Variants in MED13 observed in about 807,000 individuals in gnomAD.
MED13 encodes mediator of RNA polymerase II transcription subunit 13.
MED13 carries 23 observed loss-of-function variants against 225.2 expected under a neutral mutation model. The observed-to-expected ratio is 0.10, with a 90% confidence interval of 0.07 to 0.14. The LOEUF is 0.14. Ranked by LOEUF, MED13 falls within the 10% of genes least tolerant of loss-of-function variation. The probability of loss-of-function intolerance (pLI) is 1.00; values close to 1 mark genes in which losing one functional copy is unlikely to be tolerated. For synonymous variants in MED13, 942 were observed against 889.2 expected, an observed-to-expected ratio of 1.06 and a Z score of -1.06; for missense variants, 2,197 against 2,594.5, an observed-to-expected ratio of 0.85 and a Z score of 3.33.
intron 3 of MED13, among the ~76,000 whole-genome samples, chr17:62,050,083 G>T (rs2080942445): frequency 6.6e-6 from 1 of 152,126 alleles, no homozygotes; most frequent in Non-Finnish European, 1.5e-5. Flanking sequence ...AGGAAGCCAG[G>T]TGCAGCGGCT....
At chr17:61,950,529 G>A (rs1482956821) in intron 28 of MED13, among the ~76,000 whole-genome samples, 2 of 151,824 alleles carry the variant, frequency 1.3e-5, no homozygotes, top group Non-Finnish European at 2.9e-5. Flanking sequence ...GACTACAGGC[G>A]CCCGCCACCA....
At chr17:62,049,201 A>C (rs1000880104) in intron 3 of MED13, among the ~76,000 whole-genome samples, 2 of 152,162 alleles carry the variant, frequency 1.3e-5, no homozygotes, top group African/African-American at 4.8e-5. Context: ...AAATCGGAAA[A>C]GAAGAATGAA....
chr17:61,967,497 G>A (rs2080069209), intron 18 of MED13, among the ~76,000 whole-genome samples: 1 of 152,120 alleles, frequency 6.6e-6, no homozygotes, highest in African/African-American at 2.4e-5. Context: ...TGTGGAAAAA[G>A]GAGGGAATAA....
intron 9 of MED13, among the ~76,000 whole-genome samples, chr17:62,008,648 C>T (rs1056023049): frequency 2.6e-5 from 4 of 151,856 alleles, no homozygotes; most frequent in African/African-American, 9.7e-5. Flanking sequence ...TTCAGAAATA[C>T]AAAGGATGCC....
chr17:61,965,055 C>T lies in MED13; in HGVS notation c.4795G>A (p.Gly1599Arg). Residue 1599 changes from glycine to arginine, a missense_variant, in exon 20 of 30, where the codon GGA becomes AGA. Physicochemically the swap from Gly to Arg is moderately radical, Grantham distance 125. Transcript: ENST00000397786. ...TSALQTAGISGESSSLPTQPH... is the reference protein window; with the variant it reads ...TSALQTAGISRESSSLPTQPH... ...TGAGTGGGAAGTGAAGATGATTCTC[C>T]AGAAATCCCAGCTGTCTGTAGAGCT... The T allele has an allele frequency of 6.2e-7, 1 of 1,614,112 alleles. No homozygotes were observed. The highest frequency in any genetic ancestry group is 1.1e-5 in the South Asian group (1 of 91,084).
At chr17:61,954,504 T>C (rs767506399) in intron 26 of MED13, among the ~76,000 whole-genome samples, 1 of 152,154 alleles carries the variant, frequency 6.6e-6, no homozygotes, top group Admixed American at 6.5e-5. Flanking sequence ...TGGCTGGGCA[T>C]GGTGGCTCAT....
intron 1 of MED13, among the ~76,000 whole-genome samples, chr17:62,064,481 C>G (rs1246038656): frequency 6.6e-6 from 1 of 152,144 alleles, no homozygotes; most frequent in Non-Finnish European, 1.5e-5. Flanking sequence ...GTCCACTAGC[C>G]CCCTTCACTC....
At position 62,023,017 on chromosome 17, in the gene MED13, A is replaced by T. The variant is rs80178881; in HGVS notation, c.1283+6524T>A. ...ACAGCTAGTCTCTAAAAAAATAATA[A>T]TATTTATGTGTTGAGAGGAGAATAC... On this transcript the variant is annotated intron_variant, in intron 8 of 29. Coordinates refer to ENST00000397786, the MANE Select transcript of MED13 (RefSeq NM_005121.3). Among the ~76,000 whole-genome samples, 22 of 152,262 alleles carry T rather than the reference A, an allele frequency of 1.4e-4. No homozygotes were observed. The East Asian group carries it at 1.9e-3, about 13-fold the overall frequency.
rs886633168 is a variant in MED13 at position 62,059,438 on chromosome 17, G to C, written c.301+3629C>G. The stretch of plus-strand genomic sequence containing the variant: ...AAAAAACACTTCAGTAACAAGATGT[G>C]GTGTGTGCTGAACCAAACAGAAGGA... On this transcript the variant is annotated intron_variant, in intron 2 of 29. Coordinates refer to ENST00000397786, the MANE Select transcript of MED13 (RefSeq NM_005121.3). Among the ~76,000 whole-genome samples the C allele has an allele frequency of 2.6e-5, 4 of 152,290 alleles. No homozygotes were observed. In the South Asian group the frequency reaches 6.2e-4, roughly 24 times the overall value.
chr17:62,029,499 AACTATC>A (rs1478996300), intron 8 of MED13, 36 bp downstream of exon 8: 1 of 1,457,524 alleles, frequency 6.9e-7, no homozygotes, highest in Non-Finnish European at 9.6e-7. Flanking sequence ...TGGCGTAACA[AACTATC>A]ACACATAGGC....
intron 1 of MED13, among the ~76,000 whole-genome samples, chr17:62,063,582 A>G (rs891034407): frequency 1.3e-5 from 2 of 152,208 alleles, no homozygotes; most frequent in African/African-American, 4.8e-5. Context: ...ATATAGACAC[A>G]CACTTCAATA....
At chr17:61,995,481 C>A in intron 9 of MED13, 116 bp from the exon 10 acceptor site, 1 of 641,488 alleles carries the variant, frequency 1.6e-6, no homozygotes, top group Non-Finnish European at 2.5e-6. Context: ...ACCTACAATC[C>A]CTTATTTCAG....
At chr17:62,063,407 T>A in intron 1 of MED13, 106 bp from the exon 2 acceptor site, 1 of 728,506 alleles carries the variant, frequency 1.4e-6, no homozygotes, top group Non-Finnish European at 2.3e-6. Flanking sequence ...TTTTTCAATG[T>A]ATGCTTGAGA....
At chr17:62,037,666 C>CA (rs964038869) in intron 3 of MED13, among the ~76,000 whole-genome samples, 1,617 of 63,290 alleles carry the variant, frequency 0.026, 29 homozygotes, top group African/African-American at 0.066. Context: ...GACTCCATCT[C>CA]AAAAAAAAAA....
intron 1 of MED13, 143 bp downstream of exon 1, chr17:62,064,997 C>T (rs904146923): frequency 3.3e-6 from 2 of 612,924 alleles, no homozygotes; most frequent in Admixed American, 4.4e-5. Flanking sequence ...CGGGGCTGGC[C>T]GCGGAGCTTC....
rs1372120802 is a variant in MED13, at chr17:61,955,494, T to C, written c.5856A>G (p.Pro1952=). ...GTATATGAGTACATGATGTATCCTG[T>C]GGGGTATTTAGCTGAGATGTCTGCA... ...LNMQTSQLNT[P]QDTSCTHILV... The change falls in exon 26 of 30, where the codon CCA becomes CCG. Residue 1952 remains proline (P), a synonymous_variant. Coordinates refer to ENST00000397786, the MANE Select transcript of MED13 (RefSeq NM_005121.3). 3.7e-6 allele frequency: 6 copies of C among 1,602,716 alleles called. No individual in the cohort carries two copies. The highest frequency in any genetic ancestry group is 1.7e-4 in the Middle Eastern group (1 of 6,020).
At position 61,942,709 on chromosome 17, in the gene MED13, T is replaced by A. The variant is rs1429525684; in HGVS notation, c.*3759A>T. 6.6e-6 allele frequency: 1 copy of A among 152,406 alleles called. No homozygotes were observed. Among genetic ancestry groups the A allele is most frequent in the Non-Finnish European group, 1.5e-5 (1 of 67,944 alleles). The allele number at this position is 152,406 out of a possible 1,614,324, so 9.4% of individuals were successfully genotyped here. ...TTTTCATTTCCTCAATCACAATTTG[T>A]ACAACTCAGTGTTATGGCATTCGGC... On this transcript the variant is annotated 3_prime_UTR_variant, in exon 30 of 30. Transcript: ENST00000397786.
chr17:62,031,704 A>G, intron 5 of MED13, 66 bp from the exon 6 acceptor site: 10 of 1,038,708 alleles, frequency 9.6e-6, no homozygotes, highest in Non-Finnish European at 1.3e-5. Context: ...GTTTCACTCA[A>G]AAGTACTATA....
Position 61,982,299 on chromosome 17 carries a change from G to A in MED13, c.3704C>T (p.Ala1235Val). ...CATGAACTGACGCCCATGTTCTAATGCAAGGTAGCAGTCATTGCAACAGTC... is the reference window on the plus strand; with the variant it reads ...CATGAACTGACGCCCATGTTCTAATACAAGGTAGCAGTCATTGCAACAGTC... ...ERDCCNDCYL[A>V]LEHGRQFMDN... The change falls in exon 16 of 30, where the codon GCA (alanine) becomes GTA (valine). Residue 1235 changes from alanine to valine, a missense_variant. By Grantham distance (64) the Ala-to-Val change is moderately conservative (BLOSUM62 0). Transcript: ENST00000397786. 6.2e-7 allele frequency: 1 copy of A among 1,614,162 alleles called. No individual in the cohort carries two copies. The highest frequency in any genetic ancestry group is 8.5e-7 in the Non-Finnish European group (1 of 1,180,028).
Sources: gnomAD v4.1 joint callset for allele counts (sites outside exome capture counted in the v4.1 genomes callset) on GRCh38, gnomAD v4.1.1 for gene constraint, MANE v1.5 for transcripts, NCBI Gene and HGNC (gene_info 2026-07-23, HGNC 2026-07-21) for gene names.